FTO: variants seen among roughly 807,000 people sequenced by gnomAD.
FTO encodes FTO alpha-ketoglutarate dependent dioxygenase, also known as alpha-ketoglutarate-dependent dioxygenase FTO.
A neutral mutation model predicts 63.9 loss-of-function variants in FTO; 47 were observed. The ratio of observed to expected loss-of-function variants is 0.74; its 90% CI spans 0.58 to 0.94. The LOEUF is 0.94. FTO is among the 40% of genes least tolerant of loss of function. The pLI, the probability that FTO is intolerant of heterozygous loss-of-function variation, is 0.00. For synonymous variants in FTO, 207 were observed against 224.4 expected (o/e 0.92, Z 0.69); for missense variants, 562 against 618.1 (o/e 0.91, Z 0.96).
chr16:53,882,961 C>T (rs1361726687), intron 6 of FTO, among the ~76,000 whole-genome samples: 1 of 152,072 alleles, frequency 6.6e-6, no homozygotes. Flanking sequence ...CTTCATTGTG[C>T]CTGATGGGTG....
At chr16:54,079,940 A>G (rs562011457) in intron 8 of FTO, among the ~76,000 whole-genome samples, 1 of 152,324 alleles carries the variant, frequency 6.6e-6, no homozygotes, top group East Asian at 1.9e-4. Context: ...TATTTAGGCC[A>G]AAATAAATAC....
intron 6 of FTO, among the ~76,000 whole-genome samples, chr16:53,884,940 G>A (rs2080959950): frequency 6.6e-6 from 1 of 152,168 alleles, no homozygotes; most frequent in South Asian, 2.1e-4. Context: ...TTGGCCCCAA[G>A]TCAGCATTTG....
chr16:53,704,324 G>C, intron 1 of FTO, 95 bp downstream of exon 1: 1 of 1,237,520 alleles, frequency 8.1e-7, no homozygotes, highest in Non-Finnish European at 1.2e-6. Context: ...CGGATGCGCG[G>C]TGTTAAACTA....
chr16:53,759,076 C>A (rs969519223), intron 1 of FTO, among the ~76,000 whole-genome samples: 1 of 152,104 alleles, frequency 6.6e-6, no homozygotes, highest in East Asian at 1.9e-4. Context: ...AAGCATGCTG[C>A]GTAATGGGCG....
At chr16:53,717,393 CCT>C (rs530853596) in intron 1 of FTO, among the ~76,000 whole-genome samples, 1 of 152,094 alleles carries the variant, frequency 6.6e-6, no homozygotes, top group East Asian at 1.9e-4. Flanking sequence ...GGTTGAATTT[CCT>C]CCCACCATTT....
At chr16:54,069,115 CT>C (rs1356320427) in intron 8 of FTO, among the ~76,000 whole-genome samples, 1 of 152,178 alleles carries the variant, frequency 6.6e-6, no homozygotes, top group African/African-American at 2.4e-5. Flanking sequence ...TTTTTCTGCA[CT>C]TTTCTTTTTA....
intron 1 of FTO, among the ~76,000 whole-genome samples, chr16:53,710,216 C>T (rs568579760): frequency 6.7e-6 from 1 of 149,558 alleles, no homozygotes; most frequent in African/African-American, 2.5e-5. Context: ...TAGAATGGCC[C>T]TGTATTCTTA....
At chr16:53,867,041 C>T (rs1269241698) in intron 4 of FTO, among the ~76,000 whole-genome samples, 3 of 152,106 alleles carry the variant, frequency 2.0e-5, no homozygotes, top group Non-Finnish European at 4.4e-5. Context: ...AAATTCTCCT[C>T]TAAGCAGTGC....
chr16:53,847,263 CCTT>C (rs2079650759), intron 4 of FTO, among the ~76,000 whole-genome samples: 1 of 152,188 alleles, frequency 6.6e-6, no homozygotes, highest in East Asian at 1.9e-4. Context: ...GGCCAGCCCT[CCTT>C]CTCCCGTAGG....
chr16:53,868,631 C>T (rs1419116191), intron 4 of FTO, among the ~76,000 whole-genome samples: 1 of 152,056 alleles, frequency 6.6e-6, no homozygotes, highest in Non-Finnish European at 1.5e-5. Flanking sequence ...TCTCTTCTAT[C>T]AATTAAGGGT....
chr16:54,110,119 A>G (rs1333670120), intron 8 of FTO, among the ~76,000 whole-genome samples: 3 of 152,160 alleles, frequency 2.0e-5, no homozygotes, highest in African/African-American at 7.2e-5. Flanking sequence ...CTCTACAACT[A>G]CAGAGATGCA....
intron 1 of FTO, among the ~76,000 whole-genome samples, chr16:53,805,468 CAG>C (rs1164632490): frequency 3.3e-5 from 4 of 121,620 alleles, no homozygotes; most frequent in Non-Finnish European, 6.5e-5. Context: ...TTTTTTGAGA[CAG>C]AGAGTCTTAT....
At chr16:53,903,235 T>C (rs999408367) in intron 7 of FTO, among the ~76,000 whole-genome samples, 1 of 151,890 alleles carries the variant, frequency 6.6e-6, no homozygotes, top group African/African-American at 2.4e-5. Flanking sequence ...GTTCTTTCCA[T>C]ACCTTTCTAG....
At chr16:54,050,140 TA>T (rs2085280205) in intron 8 of FTO, among the ~76,000 whole-genome samples, 2 of 152,104 alleles carry the variant, frequency 1.3e-5, no homozygotes, top group Admixed American at 1.3e-4. Context: ...CCAAGGGTGG[TA>T]ATTTGGGGAG....
intron 1 of FTO, among the ~76,000 whole-genome samples, chr16:53,785,914 GAAAA>G (rs764170371): frequency 9.8e-6 from 1 of 102,324 alleles, no homozygotes; most frequent in South Asian, 3.0e-4. Context: ...ATCTCAAAAA[GAAAA>G]AAAAAAAAAA....
At chr16:53,790,360 A>G (rs2077876279) in intron 1 of FTO, among the ~76,000 whole-genome samples, 2 of 152,062 alleles carry the variant, frequency 1.3e-5, no homozygotes, top group Non-Finnish European at 1.5e-5. Context: ...GGTAACACAT[A>G]TAAGTAGAAT....
At chr16:53,881,122 A>AAAATAAATAAATAAATAAATAAATAAAT (rs60470419) in intron 6 of FTO, among the ~76,000 whole-genome samples, 45 of 145,528 alleles carry the variant, frequency 3.1e-4, no homozygotes, top group African/African-American at 1.0e-3. Flanking sequence ...ACTCCGTCTC[A>AAAATAAATAAATAAATAAATAAATAAAT]AAATAAATAA....
chr16:53,985,372 G>A (rs1359666078), intron 8 of FTO, among the ~76,000 whole-genome samples: 3 of 152,162 alleles, frequency 2.0e-5, no homozygotes, highest in African/African-American at 7.2e-5. Flanking sequence ...TCTCATCTCA[G>A]ATACCCGCAT....
chr16:53,806,890 T>C (rs941849229), intron 1 of FTO, among the ~76,000 whole-genome samples: 12 of 152,338 alleles, frequency 7.9e-5, no homozygotes, highest in African/African-American at 2.9e-4. Flanking sequence ...TTACCCTCTC[T>C]AAGTATGGTT....
Sources: gnomAD v4.1 joint callset for allele counts (sites outside exome capture counted in the v4.1 genomes callset) on GRCh38, gnomAD v4.1.1 for gene constraint, MANE v1.5 for transcripts, NCBI Gene and HGNC (gene_info 2026-07-23, HGNC 2026-07-21) for gene names.